NUP93: variants seen among roughly 807,000 people sequenced by gnomAD.
NUP93 encodes the protein nucleoporin 93, also known as nuclear pore complex protein Nup93.
Under a neutral mutation model 107.8 loss-of-function variants are expected in NUP93, and 55 were observed. The observed-to-expected ratio is 0.51, with a 90% CI of 0.41 to 0.64. The LOEUF (loss-of-function observed/expected upper bound fraction) is 0.64. NUP93 is among the 30% of genes least tolerant of loss of function. NUP93 has a pLI of 0.00. For missense variants in NUP93, 937 were observed against 1,044.7 expected, an observed-to-expected ratio of 0.90 and a Z score of 1.42; for synonymous variants, 390 against 397.5, an observed-to-expected ratio of 0.98 and a Z score of 0.22.
At chr16:56,805,703 T>C in intron 5 of NUP93, 71 bp downstream of exon 5, 1 of 1,496,282 alleles carries the variant, frequency 6.7e-7, no homozygotes, top group Non-Finnish European at 9.1e-7. Flanking sequence ...TCTACTTGAC[T>C]AGTATTTTTG....
chr16:56,834,815 C>G, intron 16 of NUP93, 37 bp downstream of exon 16: 1 of 1,484,578 alleles, frequency 6.7e-7, no homozygotes, highest in South Asian at 1.2e-5. Context: ...TGTTCGTTAG[C>G]CATTGGGGAT....
chr16:56,730,172 C>G lies in NUP93; in HGVS notation c.-54C>G, dbSNP rs8064120. The G allele has an allele frequency of 8.0e-3, 1,218 of 152,584 alleles. 12 individuals are homozygous for G. The highest frequency in any genetic ancestry group is 0.027 in the African/African-American group (1,133 of 41,574). The allele number at this position is 152,584 out of a possible 1,614,324, so 9.5% of individuals were successfully genotyped here. Reference sequence around the variant, plus strand: ...GCGCGAGAAGCGGCGGCCGCGTCCTCAAGCCGGCACCTGAGCGGCGGAGAC... The same window carrying G: ...GCGCGAGAAGCGGCGGCCGCGTCCTGAAGCCGGCACCTGAGCGGCGGAGAC... On this transcript the variant is annotated 5_prime_UTR_variant, in exon 1 of 22. Coordinates refer to ENST00000308159, the MANE Select transcript of NUP93 (RefSeq NM_014669.5).
Position 56,778,990 on chromosome 16 carries a change from G to A in NUP93, c.298-19486G>A, listed in dbSNP as rs1416802681. 3.3e-5 allele frequency among the ~76,000 whole-genome samples: 5 copies of A among 152,290 alleles called. No homozygotes were observed. In the East Asian group the frequency reaches 9.7e-4, roughly 29 times the overall value. On this transcript the variant is annotated intron_variant, in intron 3 of 21. Transcript: ENST00000308159. ...GGTTGGTAGTGGTGGGGTGGAAAGG[G>A]AGCAGGGACCCAGCTCTCCCAGCTG...
rs141950772 is a variant in NUP93 at position 56,756,305 on chromosome 16, C to G, written c.180-2233C>G. Among the ~76,000 whole-genome samples the G allele has an allele frequency of 5.9e-3, 541 of 92,144 alleles. 66 individuals carry two copies. In the East Asian group the frequency reaches 0.13, roughly 22 times the overall value. 60.5% of individuals were successfully genotyped at this position (92,144 alleles called of 152,430 possible). A position where few individuals can be genotyped will look rare whatever the true frequency, so the allele number is the denominator to read the frequency against. On this transcript the variant is annotated intron_variant, in intron 2 of 21. Transcript: ENST00000308159. ...GCTCTCTCTCTCCTTGCCCCCCCCCCCCCCGACAGGCTCCTATGTGTGTTG... is the reference window on the plus strand; with the variant it reads ...GCTCTCTCTCTCCTTGCCCCCCCCCGCCCCGACAGGCTCCTATGTGTGTTG...
chr16:56,828,491 T>G (rs1963715379), intron 8 of NUP93, among the ~76,000 whole-genome samples: 1 of 152,164 alleles, frequency 6.6e-6, no homozygotes, highest in African/African-American at 2.4e-5. Context: ...TTATAACATA[T>G]TTTCAAGGGG....
chr16:56,834,845 C>A, intron 16 of NUP93, 67 bp downstream of exon 16: 2 of 1,252,486 alleles, frequency 1.6e-6, no homozygotes, highest in Non-Finnish European at 2.3e-6. Flanking sequence ...TCAAAAAATA[C>A]ACTTAGATTT....
chr16:56,808,646 A>T (rs1963233770), intron 5 of NUP93, among the ~76,000 whole-genome samples: 2 of 135,542 alleles, frequency 1.5e-5, no homozygotes, highest in Admixed American at 7.7e-5. Context: ...TTATATAAAT[A>T]TATAAAAATA....
chr16:56,818,760 AT>A, intron 6 of NUP93, 22 bp downstream of exon 6: 1 of 1,603,554 alleles, frequency 6.2e-7, no homozygotes, highest in Non-Finnish European at 8.5e-7. Context: ...TTTAAGGGGG[AT>A]TAAGCCAGGA....
chr16:56,793,120 C>T (rs1207159267), intron 3 of NUP93, among the ~76,000 whole-genome samples: 1 of 152,276 alleles, frequency 6.6e-6, no homozygotes, highest in East Asian at 1.9e-4. Context: ...TAATTGCTTC[C>T]TGAATGGTGG....
chr16:56,751,957 G>A (rs572024854), intron 2 of NUP93, among the ~76,000 whole-genome samples: 24 of 152,244 alleles, frequency 1.6e-4, no homozygotes, highest in African/African-American at 5.5e-4. Flanking sequence ...TGTCTCCTTC[G>A]TCAGTCCTTT....
chr16:56,736,793 G>A (rs1400277313), intron 1 of NUP93, among the ~76,000 whole-genome samples: 2 of 152,198 alleles, frequency 1.3e-5, no homozygotes, highest in Non-Finnish European at 2.9e-5. Flanking sequence ...AAGGGCAGTG[G>A]TGAGACACAC....
chr16:56,821,564 T>G lies in NUP93; in HGVS notation c.625T>G (p.Cys209Gly), dbSNP rs753616032. Residue 209 changes from cysteine to glycine, a missense_variant, in exon 7 of 22, where the codon TGT (cysteine) becomes GGT (glycine). Transcript: ENST00000308159. ...GHLQPNLVDL[C>G]ASVAELDDKS... ...CCTGCAGCCTAACCTGGTGGACCTT[T>G]GTGCTTCCGTCGCAGAGCTCGATGA... 4 of 1,613,374 alleles carry G rather than the reference T, an allele frequency of 2.5e-6. No individual in the cohort carries two copies. Among genetic ancestry groups the G allele is most frequent in the Non-Finnish European group, 3.4e-6 (4 of 1,179,390 alleles).
chr16:56,808,109 ATATATATTATATAAC>A (rs1348088317), intron 5 of NUP93, among the ~76,000 whole-genome samples: 5 of 132,494 alleles, frequency 3.8e-5, no homozygotes, highest in Non-Finnish European at 6.3e-5. Context: ...ACACATATAA[ATATATATTATATAAC>A]TATATAAATA....
intron 1 of NUP93, among the ~76,000 whole-genome samples, chr16:56,742,147 G>A (rs1464539627): frequency 6.6e-6 from 1 of 152,216 alleles, no homozygotes; most frequent in Admixed American, 6.5e-5. Flanking sequence ...CAATGGGACA[G>A]GCATCATCAT....
intron 3 of NUP93, among the ~76,000 whole-genome samples, chr16:56,761,804 G>T (rs1046644505): frequency 6.6e-6 from 1 of 151,978 alleles, no homozygotes; most frequent in Non-Finnish European, 1.5e-5. Context: ...ATTTCCTTCT[G>T]CTTCTAATGG....
intron 12 of NUP93, 51 bp downstream of exon 12, chr16:56,832,439 A>G (rs1402036983): frequency 7.0e-7 from 1 of 1,433,694 alleles, no homozygotes; most frequent in Non-Finnish European, 9.8e-7. Flanking sequence ...ACTTAAGGTG[A>G]CTACTTCAGT....
rs377060152 is a variant in NUP93 at position 56,748,460 on chromosome 16, G to T, written c.179+34G>T. The T allele has an allele frequency of 3.5e-4, 542 of 1,538,964 alleles. 8 individuals carry two copies. The highest frequency in any genetic ancestry group is 2.0e-3 in the Middle Eastern group (10 of 5,034). ...TGGTAGGGAGACAGCATTAGTACTGGGTGGCTTGCGGGCAGGATCTGTTTC... is the reference window on the plus strand; with the variant it reads ...TGGTAGGGAGACAGCATTAGTACTGTGTGGCTTGCGGGCAGGATCTGTTTC... On this transcript the variant is annotated intron_variant, in intron 2 of 21. Transcript: ENST00000308159.
At chr16:56,763,985 G>T (rs1043968282) in intron 3 of NUP93, among the ~76,000 whole-genome samples, 15 of 152,124 alleles carry the variant, frequency 9.9e-5, no homozygotes. Flanking sequence ...AAAAAAATTA[G>T]TGTTAGGGAA....
intron 4 of NUP93, 170 bp from the exon 5 acceptor site, chr16:56,805,334 C>T (rs976479045): frequency 6.8e-5 from 47 of 691,006 alleles, no homozygotes; most frequent in Non-Finnish European, 1.0e-4. Context: ...AGGTGTAAAC[C>T]ACCACGCTCA....
Sources: allele counts gnomAD v4.1 joint callset (sites outside exome capture counted in the v4.1 genomes callset), GRCh38; gene constraint gnomAD v4.1.1; transcripts MANE v1.5; gene names NCBI Gene and HGNC (gene_info 2026-07-23, HGNC 2026-07-21).